Variants in ZNF836 observed in about 807,000 individuals in gnomAD.
ZNF836 encodes the protein zinc finger protein 836.
A neutral mutation model predicts 7.4 loss-of-function variants in ZNF836; 12 were observed. The observed-to-expected ratio is 1.61, with a 90% CI of 1.03 to 2.61. The LOEUF (loss-of-function observed/expected upper bound fraction) is 2.61, where lower values mean the gene tolerates loss of function less well. ZNF836 is among the 30% of genes most tolerant of loss of function. The pLI, the probability that ZNF836 is intolerant of heterozygous loss-of-function variation, is 0.00. For synonymous variants in ZNF836, 365 were observed against 382.6 expected (o/e 0.95, Z 0.54); for missense variants, 998 against 1,126.2 (o/e 0.89, Z 1.63).
rs3745096 is a variant in ZNF836, at chr19:52,165,584, C to T, written c.15+2474G>A. On this transcript the variant is annotated intron_variant, in intron 3 of 4. Coordinates refer to ENST00000682614, the MANE Select transcript of ZNF836 (RefSeq NM_001102657.3). ...CAGAACTTGCAACAGTAGCTCCCCA[C>T]AGAAACATGAGGGATGGTGGATGAT... 8.7e-4 allele frequency among the ~76,000 whole-genome samples: 132 copies of T among 152,358 alleles called. No homozygotes were observed. The East Asian group carries it at 0.018, about 21-fold the overall frequency.
rs762471933 is a variant in ZNF836, at chr19:52,168,087, CT to C, written c.-16del. ...GTAAGAGCCATCCCTGACTCCTTTTCTTTCCTCTTCTTCCTCTTCTGGGCTT... is the reference window on the plus strand; with the variant it reads ...GTAAGAGCCATCCCTGACTCCTTTTCTTCCTCTTCTTCCTCTTCTGGGCTT... On this transcript the variant is annotated 5_prime_UTR_variant, in exon 3 of 5. Transcript: ENST00000682614. The C allele has an allele frequency of 2.4e-5, 39 of 1,612,016 alleles. No homozygotes were observed. The highest frequency in any genetic ancestry group is 3.3e-5 in the Non-Finnish European group (39 of 1,178,894).
intron 4 of ZNF836, 90 bp from the exon 5 acceptor site, chr19:52,157,630 G>A (rs2089178407): frequency 7.9e-7 from 1 of 1,260,274 alleles, no homozygotes; most frequent in East Asian, 2.8e-5. Context: ...GAGTGGAGTG[G>A]CACAATCTCA....
chr19:52,160,980 T>A (rs1486916402), intron 3 of ZNF836, among the ~76,000 whole-genome samples: 1 of 152,212 alleles, frequency 6.6e-6, no homozygotes, highest in Non-Finnish European at 1.5e-5. Context: ...CTAAAAACTG[T>A]GATGACCACA....
At position 52,161,785 on chromosome 19, in the gene ZNF836, G is replaced by A. The variant is rs117834295; in HGVS notation, c.16-1194C>T. ...TCTACAACCAATTCAAAAGCCTATA[G>A]TCTAGAGTTGTATCTAACTATAATC... is the stretch of plus-strand genomic sequence containing the variant. On this transcript the variant is annotated intron_variant, in intron 3 of 4. Transcript: ENST00000682614. The surrounding 1 kb of genome is among the most constrained non-coding windows in gnomAD (Gnocchi z 4.1). 6.6e-5 allele frequency among the ~76,000 whole-genome samples: 10 copies of A among 152,222 alleles called. No individual in the cohort carries two copies. Among genetic ancestry groups the A allele is most frequent in the Admixed American group, 2.6e-4 (4 of 15,284 alleles).
At position 52,157,370 on chromosome 19, in the gene ZNF836, C is replaced by T; in HGVS notation, c.313G>A (p.Gly105Ser). ...LQDLEFQWKDGEINYKEVPMT... is the reference protein window; with the variant it reads ...LQDLEFQWKDSEINYKEVPMT... ...GGCACTTCTTTATAATTTATTTCACCATCTTTCCATTGAAACTCAAGGTCC... is the reference window on the plus strand; with the variant it reads ...GGCACTTCTTTATAATTTATTTCACTATCTTTCCATTGAAACTCAAGGTCC... The change falls in exon 5 of 5, where the codon GGT becomes AGT. Residue 105 changes from glycine (G) to serine (S), a missense_variant. Coordinates refer to ENST00000682614, the MANE Select transcript of ZNF836 (RefSeq NM_001102657.3). The T allele has an allele frequency of 1.2e-6, 2 of 1,606,566 alleles. No individual in the cohort carries two copies. The highest frequency in any genetic ancestry group is 1.7e-6 in the Non-Finnish European group (2 of 1,178,196).
At chr19:52,160,778 T>C (rs2089206798) in intron 3 of ZNF836, 187 bp from the exon 4 acceptor site, 4 of 630,838 alleles carry the variant, frequency 6.3e-6, no homozygotes, top group Non-Finnish European at 1.0e-5. Flanking sequence ...GATTATGATA[T>C]CCCGTAAATC....
Position 52,160,543 on chromosome 19 carries a change from ACTC to A in ZNF836, c.61_63del (p.Glu21del), listed in dbSNP as rs1242675008. On this transcript the variant is annotated inframe_deletion, in exon 4 of 5. Coordinates refer to ENST00000682614, the MANE Select transcript of ZNF836 (RefSeq NM_001102657.3). Reference sequence around the variant, plus strand: ...TTCTGCACAGGGTCCAGGGATTTCCACTCCTCCTGAGAGAATTCTATGGCTACA... The same window carrying A: ...TTCTGCACAGGGTCCAGGGATTTCCACTCCTGAGAGAATTCTATGGCTACA... 1.3e-5 allele frequency: 21 copies of A among 1,613,798 alleles called. No homozygotes were observed. The highest frequency in any genetic ancestry group is 1.8e-5 in the Non-Finnish European group (21 of 1,179,932).
intron 3 of ZNF836, among the ~76,000 whole-genome samples, chr19:52,163,003 G>A (rs924148315): frequency 2.0e-5 from 3 of 152,114 alleles, no homozygotes; most frequent in Non-Finnish European, 4.4e-5. Context: ...TCATAGGTGG[G>A]GTAGCCAAGG....
intron 3 of ZNF836, among the ~76,000 whole-genome samples, chr19:52,167,238 G>A (rs941398244): frequency 6.6e-6 from 1 of 151,784 alleles, no homozygotes; most frequent in African/African-American, 2.4e-5. Context: ...TTGGGAGGCC[G>A]AGGCGGGAGG....
Position 52,155,242 on chromosome 19 carries a change from G to C in ZNF836, c.2441C>G (p.Ala814Gly). Residue 814 changes from alanine (A) to glycine (G), a missense_variant, in exon 5 of 5, where the codon GCC becomes GGC. By Grantham distance (60) the Ala-to-Gly change is moderately conservative. Coordinates refer to ENST00000682614, the MANE Select transcript of ZNF836 (RefSeq NM_001102657.3). The part of the protein sequence containing the change: ...KPYVCNECGK[A>G]FRVRSILVNH... ...AACCAGAATTGAACGCACTCTAAAGGCTTTGCCACACTCATTACACACGTA... is the reference window on the plus strand; with the variant it reads ...AACCAGAATTGAACGCACTCTAAAGCCTTTGCCACACTCATTACACACGTA... 1 of 1,613,966 alleles carries C rather than the reference G, an allele frequency of 6.2e-7. No individual in the cohort carries two copies. Among genetic ancestry groups the C allele is most frequent in the Non-Finnish European group, 8.5e-7 (1 of 1,179,946 alleles).
intron 4 of ZNF836, 32 bp downstream of exon 4, chr19:52,160,433 G>C: frequency 6.2e-7 from 1 of 1,613,978 alleles, no homozygotes; most frequent in Non-Finnish European, 8.5e-7. Flanking sequence ...CACGAGGGCA[G>C]ATCTTAACTT....
chr19:52,163,540 C>T (rs774034282), intron 3 of ZNF836, among the ~76,000 whole-genome samples: 27 of 152,002 alleles, frequency 1.8e-4, no homozygotes, highest in African/African-American at 4.8e-5. Context: ...TTTGGGAGGC[C>T]GAGGTGGGCG....
chr19:52,156,364 TTC>T lies in ZNF836; in HGVS notation c.1317_1318del (p.Lys440ThrfsTer5), dbSNP rs2089159567. The T allele has an allele frequency of 1.9e-6, 3 of 1,614,108 alleles. No individual in the cohort carries two copies. The highest frequency in any genetic ancestry group is 2.5e-6 in the Non-Finnish European group (3 of 1,180,050). ...GTCGCATACATCACATGTATATGGT[TTC>T]TCTCCTGTATGGATTATCTGATGTG... On this transcript the variant is annotated frameshift_variant, in exon 5 of 5. Transcript: ENST00000682614. LOFTEE classifies it low-confidence loss of function (END_TRUNC).
chr19:52,160,355 C>T (rs747561341), intron 4 of ZNF836, 110 bp downstream of exon 4: 1 of 1,380,202 alleles, frequency 7.2e-7, no homozygotes, highest in Non-Finnish European at 1.0e-6. Flanking sequence ...TGTGAGTCAA[C>T]AAGGCTTCAG....
chr19:52,160,491 T>C lies in ZNF836; in HGVS notation c.116A>G (p.Glu39Gly). 1.2e-6 allele frequency: 2 copies of C among 1,614,148 alleles called. No homozygotes were observed. The highest frequency in any genetic ancestry group is 1.7e-6 in the Non-Finnish European group (2 of 1,180,026). Residue 39 changes from glutamate (E) to glycine (G), a missense_variant, in exon 4 of 5, where the codon GAG becomes GGG. Glu to Gly is a moderately conservative substitution (Grantham distance 98). Coordinates refer to ENST00000682614, the MANE Select transcript of ZNF836 (RefSeq NM_001102657.3). The part of the protein sequence containing the change: ...QKALYWDVML[E>G]NYRNLVFLGI... ...CAGGAAGACCAGGTTCCTGTAGTTC[T>C]CCAACATCACATCCCAGTACAAAGC...
In ZNF836 at chr19:52,156,502, G is replaced by A. The variant is rs749578417; in HGVS notation, c.1181C>T (p.Ser394Phe). 26 of 1,613,870 alleles carry A rather than the reference G, an allele frequency of 1.6e-5. No homozygotes were observed. In the East Asian group the frequency reaches 5.3e-4, roughly 33 times the overall value. Residue 394 changes from serine (S) to phenylalanine (F), a missense_variant, in exon 5 of 5, where the codon TCC (serine) becomes TTC (phenylalanine). By Grantham distance (155) the Ser-to-Phe change is radical. Coordinates refer to ENST00000682614, the MANE Select transcript of ZNF836 (RefSeq NM_001102657.3). ...KPYKCNICGKSFSQSSNLATH... is the reference protein window; with the variant it reads ...KPYKCNICGKFFSQSSNLATH... ...TGCCAGGTTGGAACTTTGACTAAAG[G>A]ACTTTCCACATATGTTGCATTTGTA...
chr19:52,166,815 G>T (rs1411354516), intron 3 of ZNF836, among the ~76,000 whole-genome samples: 2 of 151,076 alleles, frequency 1.3e-5, no homozygotes, highest in Non-Finnish European at 2.9e-5. Context: ...TCCTGACCTC[G>T]TGATCCGCCC....
intron 2 of ZNF836, among the ~76,000 whole-genome samples, chr19:52,169,070 C>T (rs1417939906): frequency 6.6e-6 from 1 of 152,110 alleles, no homozygotes; most frequent in Non-Finnish European, 1.5e-5. Context: ...GACACTTTAA[C>T]AGTTTGGAAA....
chr19:52,167,080 A>C (rs919355518), intron 3 of ZNF836, among the ~76,000 whole-genome samples: 3 of 151,954 alleles, frequency 2.0e-5, no homozygotes, highest in African/African-American at 7.3e-5. Context: ...ACATAAAACA[A>C]CTGCGAAGAG....
Sources: allele counts gnomAD v4.1 joint callset (sites outside exome capture counted in the v4.1 genomes callset), GRCh38; gene constraint gnomAD v4.1.1; non-coding constraint Gnocchi (gnomAD v3.1); transcripts MANE v1.5; gene names NCBI Gene and HGNC (gene_info 2026-07-23, HGNC 2026-07-21).